The following SHISAL1 variants were observed in gnomAD, a reference collection of about 807,000 sequenced individuals.
SHISAL1 encodes the protein protein shisa-like-1.
A neutral mutation model predicts 22.6 loss-of-function variants in SHISAL1; 9 were observed. The observed-to-expected ratio is 0.40, with a 90% CI of 0.24 to 0.70. The LOEUF is 0.70. Among genes scored for constraint, SHISAL1 ranks in the 30% least tolerant of loss-of-function variants. The pLI is 0.39. For missense variants in SHISAL1, 246 were observed against 270.6 expected (o/e 0.91, Z 0.64); for synonymous variants, 119 against 115.4 (o/e 1.03, Z -0.20).
upstream of SHISAL1, among the ~76,000 whole-genome samples, chr22:44,316,415 G>A (rs975588342): frequency 2.5e-5 from 3 of 119,780 alleles, no homozygotes; most frequent in Non-Finnish European, 3.4e-5. Flanking sequence ...GGTGGGGGGT[G>A]GGGGGGCAAA....
chr22:44,274,884 C>T (rs553823108), intron 4 of SHISAL1, among the ~76,000 whole-genome samples: 3 of 152,284 alleles, frequency 2.0e-5, no homozygotes, highest in East Asian at 1.9e-4. Context: ...TGCCATGGGC[C>T]GGGCTCTGTT....
At chr22:44,321,730 T>C in the SHISAL1 span, among the ~76,000 whole-genome samples, 1 of 152,124 alleles carries the variant, frequency 6.6e-6, no homozygotes, top group Non-Finnish European at 1.5e-5. Context: ...AACCAGCCCC[T>C]GGTTGTTAAG....
Position 44,285,523 on chromosome 22 carries a change from G to A in SHISAL1, c.504C>T (p.Pro168=). The A allele has an allele frequency of 2.5e-6, 4 of 1,613,540 alleles. No homozygotes were observed. The highest frequency in any genetic ancestry group is 2.2e-5 in the South Asian group (2 of 91,040). Residue 168 remains proline (P), a synonymous_variant, in exon 4 of 5, where the codon CCC becomes CCT. Transcript: ENST00000381176. ...PGQRAPQPQP[P]PGPLPQAPQA... ...GTGGGGCTTGTGGCAGCGGGCCTGGGGGAGGCTGCGGCTGTGGGGCCCGCT... is the reference window on the plus strand; with the variant it reads ...GTGGGGCTTGTGGCAGCGGGCCTGGAGGAGGCTGCGGCTGTGGGGCCCGCT...
intron 3 of SHISAL1, among the ~76,000 whole-genome samples, chr22:44,295,347 T>C (rs1233547541): frequency 1.3e-5 from 2 of 152,006 alleles, no homozygotes; most frequent in African/African-American, 2.4e-5. Flanking sequence ...AAAAGAATAA[T>C]AAAGTTTAAT....
Position 44,245,553 on chromosome 22 carries a change from A to C in SHISAL1, c.*4132T>G, listed in dbSNP as rs1451978813. 1 of 152,292 alleles carries C rather than the reference A, an allele frequency of 6.6e-6. No individual in the cohort carries two copies. The highest frequency in any genetic ancestry group is 1.9e-4 in the East Asian group (1 of 5,200). 9.4% of individuals were successfully genotyped at this position (152,292 alleles called of 1,614,324 possible). A position where few individuals can be genotyped will look rare whatever the true frequency, so the allele number is the denominator to read the frequency against. On this transcript the variant is annotated 3_prime_UTR_variant, in exon 5 of 5. Coordinates refer to ENST00000381176, the MANE Select transcript of SHISAL1 (RefSeq NM_001099294.2). ...CACCCCCGGGGACCCCGTCTCCTTG[A>C]ATGGCACAGTCTCTAATAGACAGAC...
chr22:44,303,011 T>C (rs902689646), intron 1 of SHISAL1, among the ~76,000 whole-genome samples: 2 of 151,992 alleles, frequency 1.3e-5, no homozygotes, highest in African/African-American at 4.8e-5. Context: ...GGGGACTAGA[T>C]TACTTAGACT....
At position 44,247,458 on chromosome 22, in the gene SHISAL1, A is replaced by G. The variant is rs2055011193; in HGVS notation, c.*2227T>C. On this transcript the variant is annotated 3_prime_UTR_variant, in exon 5 of 5. Coordinates refer to ENST00000381176, the MANE Select transcript of SHISAL1 (RefSeq NM_001099294.2). ...CGGCAACATGGCCCTGGGACGGCTC[A>G]CATCAGGGGAGAGGAAGCCATTCCT... 1 of 152,352 alleles carries G rather than the reference A, an allele frequency of 6.6e-6. No individual in the cohort carries two copies. The highest frequency in any genetic ancestry group is 2.1e-4 in the South Asian group (1 of 4,824). The allele number at this position is 152,352 out of a possible 1,614,324, so 9.4% of individuals were successfully genotyped here.
chr22:44,267,891 G>A lies in SHISAL1; in HGVS notation c.599+17537C>T, dbSNP rs1189208698. 2.6e-5 allele frequency among the ~76,000 whole-genome samples: 4 copies of A among 152,254 alleles called. No homozygotes were observed. The East Asian group carries it at 5.8e-4, about 22-fold the overall frequency. ...AGAGAGGCAGGGCCAGGCCATGGAA[G>A]GCTGTGGATGCCCAGCTGAGGGCCT... On this transcript the variant is annotated intron_variant, in intron 4 of 4. Transcript: ENST00000381176.
intron 4 of SHISAL1, among the ~76,000 whole-genome samples, chr22:44,262,990 G>A (rs1049306766): frequency 6.6e-6 from 1 of 152,030 alleles, no homozygotes; most frequent in Non-Finnish European, 1.5e-5. Context: ...TTCCCCAGCA[G>A]CAGCAACAGC....
intron 4 of SHISAL1, among the ~76,000 whole-genome samples, chr22:44,264,374 C>T (rs1472511236): frequency 1.3e-5 from 2 of 152,184 alleles, no homozygotes; most frequent in Non-Finnish European, 2.9e-5. Flanking sequence ...CAGCCTCTCT[C>T]CAAGCCCAGT....
upstream of SHISAL1, among the ~76,000 whole-genome samples, chr22:44,315,974 T>C (rs1161162025): frequency 6.6e-6 from 1 of 152,070 alleles, no homozygotes; most frequent in Non-Finnish European, 1.5e-5. Flanking sequence ...TTGCACAGTG[T>C]AAACCGCCCA....
intron 1 of SHISAL1, among the ~76,000 whole-genome samples, chr22:44,309,736 T>G (rs769124714): frequency 6.6e-6 from 1 of 152,170 alleles, no homozygotes; most frequent in Non-Finnish European, 1.5e-5. Flanking sequence ...ATGTTTAACC[T>G]CCACAAGTTT....
intron 4 of SHISAL1, among the ~76,000 whole-genome samples, chr22:44,276,442 T>C (rs2055240163): frequency 6.6e-6 from 1 of 152,040 alleles, no homozygotes; most frequent in Admixed American, 6.6e-5. Context: ...GACTTAATGT[T>C]TTTAAAAGAT....
intron 4 of SHISAL1, among the ~76,000 whole-genome samples, chr22:44,266,571 G>A (rs1161632387): frequency 7.3e-6 from 1 of 136,458 alleles, no homozygotes; most frequent in Non-Finnish European, 1.6e-5. Flanking sequence ...GGAGGGCTCT[G>A]GTGTGTATGT....
intron 4 of SHISAL1, among the ~76,000 whole-genome samples, chr22:44,285,185 A>G (rs2055304314): frequency 6.6e-6 from 1 of 152,204 alleles, no homozygotes; most frequent in African/African-American, 2.4e-5. Context: ...CTGGGCTCTA[A>G]GCGCAATGAG....
Position 44,296,712 on chromosome 22 carries a change from G to T in SHISAL1, c.241C>A (p.Gln81Lys). 1 of 1,614,060 alleles carries T rather than the reference G, an allele frequency of 6.2e-7. No homozygotes were observed. Residue 81 changes from glutamine (Q) to lysine (K), a missense_variant, in exon 3 of 5, where the codon CAG (glutamine) becomes AAG (lysine). Gln to Lys is a moderately conservative substitution (Grantham distance 53). Transcript: ENST00000381176. ...CNETEFQAVM[Q>K]ANLTASSEGY... is the part of the protein sequence containing the mutation. Reference sequence around the variant, plus strand: ...TCGGAGCTGGCCGTGAGGTTCGCCTGCATCACCGCCTGGAACTCCGTCTCG... The same window carrying T: ...TCGGAGCTGGCCGTGAGGTTCGCCTTCATCACCGCCTGGAACTCCGTCTCG...
chr22:44,288,301 C>A lies in SHISAL1; in HGVS notation c.282-2556G>T, dbSNP rs544175616. On this transcript the variant is annotated intron_variant, in intron 3 of 4. Coordinates refer to ENST00000381176, the MANE Select transcript of SHISAL1 (RefSeq NM_001099294.2). ...AGAGTTGCGCTCCTCACCACTATAG[C>A]ACACTGCCTTGGCTGCGGCCACCCG... is the stretch of plus-strand genomic sequence containing the variant. Among the ~76,000 whole-genome samples, 7 of 152,316 alleles carry A rather than the reference C, an allele frequency of 4.6e-5. No individual in the cohort carries two copies. The East Asian group carries it at 1.4e-3, about 29-fold the overall frequency.
chr22:44,269,793 C>T lies in SHISAL1; in HGVS notation c.599+15635G>A, dbSNP rs184062421. On this transcript the variant is annotated intron_variant, in intron 4 of 4. Coordinates refer to ENST00000381176, the MANE Select transcript of SHISAL1 (RefSeq NM_001099294.2). ...CCTGCTCACTTCTTACCTGTCCTAG[C>T]CCCTCAGGACCCACCTCTGCCCTCT... is the stretch of plus-strand genomic sequence containing the variant. Among the ~76,000 whole-genome samples, 5 of 152,296 alleles carry T rather than the reference C, an allele frequency of 3.3e-5. No homozygotes were observed. The East Asian group carries it at 9.6e-4, about 29-fold the overall frequency.
intron 3 of SHISAL1, among the ~76,000 whole-genome samples, chr22:44,294,368 A>G (rs1234377396): frequency 6.6e-6 from 1 of 152,198 alleles, no homozygotes; most frequent in Non-Finnish European, 1.5e-5. Context: ...TGAATGCAGC[A>G]TGGTGGCAAA....
Sources: gnomAD v4.1 joint callset for allele counts (sites outside exome capture counted in the v4.1 genomes callset) on GRCh38, gnomAD v4.1.1 for gene constraint, MANE v1.5 for transcripts, NCBI Gene and HGNC (gene_info 2026-07-23, HGNC 2026-07-21) for gene names.